Variants in EIF3L observed in about 807,000 individuals in gnomAD.
The protein encoded by EIF3L is eukaryotic translation initiation factor 3 subunit L.
A neutral mutation model predicts 74.6 loss-of-function variants in EIF3L; 32 were observed. The observed-to-expected ratio is 0.43, with a 90% CI of 0.32 to 0.58. The LOEUF (loss-of-function observed/expected upper bound fraction) is 0.58, where lower values mean the gene tolerates loss of function less well. Ranked by LOEUF, EIF3L falls within the 20% of genes least tolerant of loss-of-function variation. The pLI is 0.06. For missense variants in EIF3L, 474 were observed against 707.8 expected (o/e 0.67, Z 3.75); for synonymous variants, 256 against 254.4 (o/e 1.01, Z -0.06).
intron 3 of EIF3L, among the ~76,000 whole-genome samples, chr22:37,853,071 T>C (rs142704758): frequency 9.3e-4 from 142 of 152,188 alleles, no homozygotes; most frequent in African/African-American, 3.2e-3. Context: ...AGTTCTTGCC[T>C]CCTCAAAAGA....
intron 7 of EIF3L, among the ~76,000 whole-genome samples, chr22:37,864,497 G>A (rs1926036170): frequency 6.6e-6 from 1 of 150,816 alleles, no homozygotes; most frequent in East Asian, 1.9e-4. Context: ...CAGCTGTGTA[G>A]CCTGGGGGTA....
At chr22:37,855,797 G>A (rs1925472280) in intron 4 of EIF3L, among the ~76,000 whole-genome samples, 153 bp downstream of exon 4, 1 of 152,110 alleles carries the variant, frequency 6.6e-6, no homozygotes, top group African/African-American at 2.4e-5. Flanking sequence ...ATAACTTGTC[G>A]AAGGCTGGAT....
intron 5 of EIF3L, among the ~76,000 whole-genome samples, chr22:37,860,968 G>A (rs941173854): frequency 2.6e-5 from 4 of 152,050 alleles, no homozygotes; most frequent in African/African-American, 9.7e-5. Flanking sequence ...TGGGCTCCTG[G>A]CAATATTCGT....
chr22:37,853,878 A>G (rs368475974), intron 3 of EIF3L, among the ~76,000 whole-genome samples: 142 of 152,368 alleles, frequency 9.3e-4, no homozygotes, highest in African/African-American at 3.2e-3. Context: ...TTCAAATAGT[A>G]GAGTAATTCC....
intron 11 of EIF3L, chr22:37,878,396 G>T (rs1051362105): frequency 1.2e-5 from 4 of 341,440 alleles, no homozygotes; most frequent in Admixed American, 4.5e-5. Flanking sequence ...CCTGGGCAAC[G>T]TAGTGAGACC....
chr22:37,860,385 C>T (rs1459570401), intron 5 of EIF3L, among the ~76,000 whole-genome samples: 4 of 152,190 alleles, frequency 2.6e-5, no homozygotes, highest in African/African-American at 7.2e-5. Context: ...GACGGAGTCT[C>T]GCTCTGTCAT....
chr22:37,872,404 A>G (rs1433563205), intron 8 of EIF3L, among the ~76,000 whole-genome samples: 1 of 152,078 alleles, frequency 6.6e-6, no homozygotes, highest in Non-Finnish European at 1.5e-5. Flanking sequence ...GGTTACATGC[A>G]TGAGCCACTG....
At chr22:37,870,119 A>G (rs143712853) in intron 7 of EIF3L, 57 bp from the exon 8 acceptor site, 32 of 1,469,372 alleles carry the variant, frequency 2.2e-5, no homozygotes, top group Non-Finnish European at 2.9e-5. Flanking sequence ...CATTGTGGAC[A>G]TGGATGATCA....
intron 11 of EIF3L, 186 bp from the exon 12 acceptor site, chr22:37,886,575 AAAAG>A: frequency 2.6e-6 from 1 of 386,646 alleles, no homozygotes; most frequent in Non-Finnish European, 4.8e-6. Flanking sequence ...CTCAAAAAAA[AAAAG>A]AAAAGAAAAA....
chr22:37,876,754 C>T (rs959019040), intron 10 of EIF3L: 2 of 152,094 alleles, frequency 1.3e-5, no homozygotes, highest in Non-Finnish European at 2.9e-5. Context: ...TATTCAGCAT[C>T]AGTATGCTGA....
intron 4 of EIF3L, among the ~76,000 whole-genome samples, chr22:37,857,471 T>G (rs2145803885): frequency 6.6e-6 from 1 of 152,238 alleles, no homozygotes; most frequent in African/African-American, 2.4e-5. Context: ...ACCAGTGTTT[T>G]GTGTTTTCAG....
chr22:37,849,425 G>C lies in EIF3L; in HGVS notation c.-25G>C, dbSNP rs766896222. The C allele has an allele frequency of 1.9e-6, 3 of 1,613,998 alleles. No individual in the cohort carries two copies. The highest frequency in any genetic ancestry group is 2.5e-6 in the Non-Finnish European group (3 of 1,179,954). ...GCGGGCCGCTCATTTCGCTCTTTCC[G>C]GCGGTGCTCGCAAGCGAGGCAGCCA... On this transcript the variant is annotated 5_prime_UTR_variant, in exon 1 of 13. Coordinates refer to ENST00000652021, the MANE Select transcript of EIF3L (RefSeq NM_016091.4).
intron 11 of EIF3L, chr22:37,885,444 C>T (rs373219989): frequency 2.6e-5 from 4 of 151,812 alleles, no homozygotes; most frequent in South Asian, 4.2e-4. Flanking sequence ...TGGCAAAGTG[C>T]TTCTTTTTTT....
chr22:37,858,816 A>T, intron 5 of EIF3L, 76 bp downstream of exon 5: 4 of 1,324,796 alleles, frequency 3.0e-6, no homozygotes, highest in Non-Finnish European at 2.1e-6. Context: ...CCTAGAACAC[A>T]GTCATTTGTT....
chr22:37,868,401 A>G (rs1926279958), intron 7 of EIF3L, among the ~76,000 whole-genome samples: 1 of 150,902 alleles, frequency 6.6e-6, no homozygotes, highest in Non-Finnish European at 1.5e-5. Flanking sequence ...CTTGGATAAC[A>G]GGTGTAAGCG....
At chr22:37,850,199 G>GC in intron 2 of EIF3L, 136 bp downstream of exon 2, 1 of 900,694 alleles carries the variant, frequency 1.1e-6, no homozygotes, top group Non-Finnish European at 1.8e-6. Context: ...CTGCCAGTGC[G>GC]AGGGGTTTTA....
intron 11 of EIF3L, chr22:37,878,492 T>C: frequency 5.3e-6 from 1 of 190,220 alleles, no homozygotes; most frequent in Non-Finnish European, 1.1e-5. Context: ...AGATGGAATT[T>C]CGCTCTCGTT....
At chr22:37,876,200 G>C (rs1008968733) in intron 10 of EIF3L, 189 bp downstream of exon 10, 3 of 571,818 alleles carry the variant, frequency 5.2e-6, no homozygotes, top group Admixed American at 3.4e-5. Flanking sequence ...CGCAGTCACA[G>C]CTCACGTCAG....
chr22:37,883,697 T>C (rs1927178330), intron 11 of EIF3L: 1 of 152,264 alleles, frequency 6.6e-6, no homozygotes, highest in African/African-American at 2.4e-5. Context: ...GCAGATCACT[T>C]GAGACCAGGA....
Sources: allele counts gnomAD v4.1 joint callset (sites outside exome capture counted in the v4.1 genomes callset), GRCh38; gene constraint gnomAD v4.1.1; transcripts MANE v1.5; gene names NCBI Gene and HGNC (gene_info 2026-07-23, HGNC 2026-07-21).